PIK3CA: variants seen among roughly 807,000 people sequenced by gnomAD.
The protein encoded by PIK3CA is phosphatidylinositol 4,5-bisphosphate 3-kinase catalytic subunit alpha isoform.
In PIK3CA, 27 loss-of-function variants were observed where a neutral mutation model predicts 138.2. The ratio of observed to expected loss-of-function variants is 0.20; its 90% CI spans 0.14 to 0.27. The LOEUF (loss-of-function observed/expected upper bound fraction) is 0.27. PIK3CA is among the 10% of genes least tolerant of loss of function. The pLI, the probability that PIK3CA is intolerant of heterozygous loss-of-function variation, is 1.00. For missense variants in PIK3CA, 544 were observed against 1,277.4 expected, an observed-to-expected ratio of 0.43 and a Z score of 8.75; for synonymous variants, 358 against 413.2, an observed-to-expected ratio of 0.87 and a Z score of 1.62.
rs966112416 is a variant in PIK3CA, at chr3:179,220,702, A to G, written c.2016-284A>G. ...CTTCATTTGATTATTTTTGTGCTCA[A>G]TTTCCTTTTTTCATGTTTTTATATC... On this transcript the variant is annotated intron_variant, in intron 13 of 20. Coordinates refer to ENST00000263967, the MANE Select transcript of PIK3CA (RefSeq NM_006218.4). This position sits in a 1 kb window ranked among gnomAD's most constrained non-coding sequence, Gnocchi z 4.1. 1.3e-5 allele frequency among the ~76,000 whole-genome samples: 2 copies of G among 152,088 alleles called. No individual in the cohort carries two copies. Among genetic ancestry groups the G allele is most frequent in the African/African-American group, 2.4e-5 (1 of 41,432 alleles).
At position 179,220,873 on chromosome 3, in the gene PIK3CA, T is replaced by C; in HGVS notation, c.2016-113T>C. The C allele has an allele frequency of 1.8e-6, 1 of 552,912 alleles. No individual in the cohort carries two copies. The highest frequency in any genetic ancestry group is 2.9e-6 in the Non-Finnish European group (1 of 341,262). 34.3% of individuals were successfully genotyped at this position (552,912 alleles called of 1,614,324 possible). ...TTGAATAATTTTATTATTAGTATGA[T>C]TGTAACATTTATTGGATTTCAAAAA... On this transcript the variant is annotated intron_variant, in intron 13 of 20. Transcript: ENST00000263967. This position sits in a 1 kb window ranked among gnomAD's most constrained non-coding sequence, Gnocchi z 4.1.
chr3:179,203,853 C>T (rs763947550), intron 5 of PIK3CA, 64 bp downstream of exon 5: 101 of 1,136,792 alleles, frequency 8.9e-5, no homozygotes, highest in Admixed American at 1.5e-4. Flanking sequence ...TTTTCTTGCA[C>T]TATACAGTAA....
chr3:179,189,299 CTT>C (rs1724068828), intron 1 of PIK3CA, among the ~76,000 whole-genome samples: 5 of 152,110 alleles, frequency 3.3e-5, no homozygotes, highest in Admixed American at 3.3e-4. Flanking sequence ...TGCTGCCAAA[CTT>C]AAATACCTTA....
intron 2 of PIK3CA, 92 bp downstream of exon 2, chr3:179,199,269 C>A: frequency 1.3e-6 from 1 of 741,274 alleles, no homozygotes; most frequent in South Asian, 2.4e-5. Flanking sequence ...CCAATACCTT[C>A]GTAATCTTAA....
chr3:179,158,946 T>C (rs1423898410), intron 1 of PIK3CA, among the ~76,000 whole-genome samples: 2 of 152,166 alleles, frequency 1.3e-5, no homozygotes, highest in Non-Finnish European at 2.9e-5. Context: ...GTTTTAGCAG[T>C]TTTGGCTAGA....
chr3:179,229,501 C>T lies in PIK3CA; in HGVS notation c.2666+59C>T, dbSNP rs17849077. ...CTAAGTTTTTGTTAGATGAGTCTGTCGGTGTTTGTGTATTCCTCTGAGTTA... is the reference window on the plus strand; with the variant it reads ...CTAAGTTTTTGTTAGATGAGTCTGTTGGTGTTTGTGTATTCCTCTGAGTTA... On this transcript the variant is annotated intron_variant, in intron 18 of 20. Transcript: ENST00000263967. 0.013 allele frequency: 17,278 copies of T among 1,338,422 alleles called. 816 individuals carry two copies. The highest frequency in any genetic ancestry group is 0.13 in the South Asian group (9,211 of 72,136). The allele number at this position is 1,338,422 out of a possible 1,614,324, so 82.9% of individuals were successfully genotyped here.
intron 1 of PIK3CA, among the ~76,000 whole-genome samples, chr3:179,194,803 T>C (rs1162144179): frequency 1.3e-5 from 2 of 152,172 alleles, no homozygotes; most frequent in Non-Finnish European, 2.9e-5. Context: ...TAATCTGTAA[T>C]ATTCTACTGA....
chr3:179,160,456 C>G (rs1723248562), intron 1 of PIK3CA, among the ~76,000 whole-genome samples: 1 of 152,158 alleles, frequency 6.6e-6, no homozygotes, highest in Admixed American at 6.5e-5. Flanking sequence ...AACATGGCCT[C>G]TAATACCCAG....
chr3:179,157,826 A>C (rs1723177826), intron 1 of PIK3CA, among the ~76,000 whole-genome samples: 1 of 152,124 alleles, frequency 6.6e-6, no homozygotes, highest in Non-Finnish European at 1.5e-5. Context: ...CGAGATTACT[A>C]GTTTTGTAAC....
chr3:179,226,809 G>A (rs1181347882), intron 17 of PIK3CA, among the ~76,000 whole-genome samples: 1 of 152,074 alleles, frequency 6.6e-6, no homozygotes, highest in Non-Finnish European at 1.5e-5. Flanking sequence ...AGAAGAAAGT[G>A]GACATTTCAG....
intron 6 of PIK3CA, 36 bp from the exon 7 acceptor site, chr3:179,209,559 C>T (rs2108399038): frequency 4.7e-6 from 6 of 1,268,026 alleles, no homozygotes; most frequent in Non-Finnish European, 6.8e-6. Context: ...GAAGACTTTT[C>T]TTGATGTATT....
chr3:179,222,044 ATTC>A (rs1195836015), intron 14 of PIK3CA, among the ~76,000 whole-genome samples: 1 of 151,734 alleles, frequency 6.6e-6, no homozygotes. Flanking sequence ...CCTACACCCT[ATTC>A]TTTATTCAAT....
chr3:179,192,375 C>T (rs1230633264), intron 1 of PIK3CA, among the ~76,000 whole-genome samples: 2 of 152,206 alleles, frequency 1.3e-5, no homozygotes, highest in African/African-American at 4.8e-5. Flanking sequence ...AATTACTCCA[C>T]AAAAAGTTCC....
intron 17 of PIK3CA, among the ~76,000 whole-genome samples, chr3:179,227,369 A>C (rs1725107916): frequency 6.6e-6 from 1 of 152,072 alleles, no homozygotes; most frequent in African/African-American, 2.4e-5. Context: ...CATGTTCAAC[A>C]GTGATAAAAA....
intron 3 of PIK3CA, 116 bp from the exon 4 acceptor site, chr3:179,201,174 C>A: frequency 1.2e-6 from 1 of 843,382 alleles, no homozygotes; most frequent in Non-Finnish European, 1.9e-6. Context: ...TTTAATTGGG[C>A]TGATTAAAAA....
At chr3:179,168,845 C>A (rs1310334450) in intron 1 of PIK3CA, among the ~76,000 whole-genome samples, 1 of 151,984 alleles carries the variant, frequency 6.6e-6, no homozygotes, top group Non-Finnish European at 1.5e-5. Flanking sequence ...GTGGTCTCTT[C>A]CCTATTGATT....
rs750875731 is a variant in PIK3CA, at chr3:179,204,494, T to C, written c.1060-9T>C. On this transcript the variant is annotated splice_polypyrimidine_tract_variant and intron_variant, in intron 5 of 20. Coordinates refer to ENST00000263967, the MANE Select transcript of PIK3CA (RefSeq NM_006218.4). ...TATACATTAGTATATACCTACTTTT[T>C]TCTTTTAGATCTATGTTCGAACAGG... The C allele has an allele frequency of 2.5e-5, 36 of 1,437,368 alleles. No individual in the cohort carries two copies. Among genetic ancestry groups the C allele is most frequent in the Non-Finnish European group, 3.4e-5 (35 of 1,020,284 alleles). 89.0% of individuals were successfully genotyped at this position (1,437,368 alleles called of 1,614,324 possible).
At chr3:179,151,333 G>A (rs769356793) in intron 1 of PIK3CA, among the ~76,000 whole-genome samples, 4 of 152,130 alleles carry the variant, frequency 2.6e-5, no homozygotes, top group Non-Finnish European at 5.9e-5. Flanking sequence ...ATCATGCTGC[G>A]TCTAATCTCC....
intron 1 of PIK3CA, among the ~76,000 whole-genome samples, chr3:179,169,375 T>C (rs1004799639): frequency 2.4e-4 from 37 of 151,720 alleles, no homozygotes; most frequent in African/African-American, 9.0e-4. Context: ...ATGTGTAGAT[T>C]ATCTAAGGAA....
Sources: allele counts gnomAD v4.1 joint callset (sites outside exome capture counted in the v4.1 genomes callset), GRCh38; gene constraint gnomAD v4.1.1; non-coding constraint Gnocchi (gnomAD v3.1); transcripts MANE v1.5; gene names NCBI Gene and HGNC (gene_info 2026-07-23, HGNC 2026-07-21).